ZFHX3: variants seen among roughly 807,000 people sequenced by gnomAD.
The protein encoded by ZFHX3 is zinc finger homeobox protein 3.
Under a neutral mutation model 279.1 loss-of-function variants are expected in ZFHX3, and 42 were observed. The ratio of observed to expected loss-of-function variants is 0.15; its 90% CI spans 0.12 to 0.19. ZFHX3 has a LOEUF of 0.19. Among genes scored for constraint, ZFHX3 ranks in the 10% least tolerant of loss-of-function variants. The probability of loss-of-function intolerance (pLI) is 1.00; values close to 1 mark genes in which losing one functional copy is unlikely to be tolerated. For missense variants in ZFHX3, 4,981 were observed against 4,754.0 expected, an observed-to-expected ratio of 1.05 and a Z score of -1.40; for synonymous variants, 2,293 against 1,957.8, an observed-to-expected ratio of 1.17 and a Z score of -4.52.
At chr16:73,131,009 G>A in exon 7 of ZFHX3, 2 of 1,305,306 alleles carry the variant, frequency 1.5e-6, no homozygotes, top group African/African-American at 3.0e-5. Flanking sequence ...GGTGGCGCTG[G>A]TTCTGGAGTT....
At chr16:73,877,223 T>A (rs1031324319) in intron 1 of ZFHX3, among the ~76,000 whole-genome samples, 2 of 151,448 alleles carry the variant, frequency 1.3e-5, no homozygotes, top group African/African-American at 4.9e-5. Context: ...CCCAGGCACT[T>A]GCTTCCTTGA....
chr16:73,172,991 TTTTTGTTTTTTTTTTTG>T lies in ZFHX3; in HGVS notation c.-1103-29177_-1103-29161del, dbSNP rs764161075. ...CCTGCTGTTTCCTGATGGGACTGTTTTTTTGTTTTTTTTTTTGTTTTTTTTTTTTTTTTTTGGGAGGG... is the reference window on the plus strand; with the variant it reads ...CCTGCTGTTTCCTGATGGGACTGTTTTTTTTTTTTTTTTTTTTTGGGAGGG... On this transcript the variant is annotated intron_variant, in intron 5 of 17. Transcript: ENST00000641206. Among the ~76,000 whole-genome samples, 368 of 52,986 alleles carry T rather than the reference TTTTTGTTTTTTTTTTTG, an allele frequency of 6.9e-3. 14 individuals carry two copies. The highest frequency in any genetic ancestry group is 0.023 in the African/African-American group (297 of 12,798). 34.8% of individuals were successfully genotyped at this position (52,986 alleles called of 152,430 possible).
intron 1 of ZFHX3, among the ~76,000 whole-genome samples, chr16:73,704,320 G>A (rs2053282798): frequency 6.6e-6 from 1 of 152,134 alleles, no homozygotes; most frequent in Non-Finnish European, 1.5e-5. Context: ...ACCATCATTT[G>A]TTCACCATGC....
intron 3 of ZFHX3, among the ~76,000 whole-genome samples, chr16:73,322,213 A>T (rs2015588463): frequency 6.6e-6 from 1 of 151,424 alleles, no homozygotes; most frequent in African/African-American, 2.4e-5. Flanking sequence ...GGCGTGGGGG[A>T]GCCCAGAGGC....
intron 4 of ZFHX3, among the ~76,000 whole-genome samples, chr16:73,267,577 C>G (rs978449864): frequency 1.3e-5 from 2 of 152,090 alleles, no homozygotes; most frequent in Non-Finnish European, 2.9e-5. Flanking sequence ...TGGTGGTTTC[C>G]TTGCTACAGG....
chr16:73,450,195 C>T (rs9940269), intron 3 of ZFHX3, among the ~76,000 whole-genome samples: 101,861 of 152,014 alleles, frequency 0.67, 36,978 homozygotes, highest in Non-Finnish European at 0.82. Context: ...TCCTATCAAA[C>T]TTCAGGTAAA....
At chr16:73,029,217 G>A (rs990957763) in intron 1 of ZFHX3, among the ~76,000 whole-genome samples, 3 of 152,174 alleles carry the variant, frequency 2.0e-5, no homozygotes, top group Non-Finnish European at 4.4e-5. Flanking sequence ...GGGACCCCAA[G>A]GCCCCTTCTA....
At chr16:73,376,493 A>G (rs1196148703) in intron 3 of ZFHX3, among the ~76,000 whole-genome samples, 1 of 152,202 alleles carries the variant, frequency 6.6e-6, no homozygotes, top group Non-Finnish European at 1.5e-5. Context: ...TCATGAAAGG[A>G]AGGAAATCCC....
At chr16:73,870,191 C>A (rs1962124703) in intron 1 of ZFHX3, among the ~76,000 whole-genome samples, 1 of 152,174 alleles carries the variant, frequency 6.6e-6, no homozygotes, top group Non-Finnish European at 1.5e-5. Context: ...AATTTACATA[C>A]AATCAAGGTT....
chr16:73,322,569 A>T (rs551663525), intron 3 of ZFHX3, among the ~76,000 whole-genome samples: 2 of 152,170 alleles, frequency 1.3e-5, no homozygotes, highest in African/African-American at 2.4e-5. Flanking sequence ...CTCGGTTTCC[A>T]ATCTTCCCCA....
intron 2 of ZFHX3, among the ~76,000 whole-genome samples, chr16:73,599,742 A>AC (rs1052178327): frequency 3.3e-5 from 5 of 151,144 alleles, no homozygotes; most frequent in Non-Finnish European, 5.9e-5. Flanking sequence ...TAAAAAAAAA[A>AC]AAAACAACAA....
At chr16:72,953,787 T>C (rs1344398065) in intron 2 of ZFHX3, among the ~76,000 whole-genome samples, 1 of 152,148 alleles carries the variant, frequency 6.6e-6, no homozygotes, top group East Asian at 1.9e-4. Flanking sequence ...TTGCCCAGAC[T>C]GGTCTCAAAC....
chr16:73,621,571 T>C (rs569595037), intron 2 of ZFHX3, among the ~76,000 whole-genome samples: 24 of 152,304 alleles, frequency 1.6e-4, no homozygotes, highest in African/African-American at 5.8e-4. Context: ...GGCTCCTGGC[T>C]AGCACAGCAT....
chr16:73,823,802 T>C (rs1053810352), intron 1 of ZFHX3, among the ~76,000 whole-genome samples: 1 of 152,152 alleles, frequency 6.6e-6, no homozygotes, highest in African/African-American at 2.4e-5. Flanking sequence ...AGAGAAAAAG[T>C]ATGCCAGCGC....
intron 1 of ZFHX3, among the ~76,000 whole-genome samples, chr16:73,705,753 T>C (rs561645715): frequency 6.6e-6 from 1 of 152,296 alleles, no homozygotes; most frequent in South Asian, 2.1e-4. Flanking sequence ...TCTTTCTATC[T>C]TCCCTGTTTT....
intron 1 of ZFHX3, among the ~76,000 whole-genome samples, chr16:73,781,362 A>G (rs1959467143): frequency 6.6e-6 from 1 of 152,210 alleles, no homozygotes; most frequent in Non-Finnish European, 1.5e-5. Context: ...GTTTTTAACA[A>G]GTTCCCAGGT....
In ZFHX3 at chr16:72,788,881, G is replaced by T. The variant is rs998736963; in HGVS notation, c.9428-33C>A. On this transcript the variant is annotated intron_variant, in intron 9 of 9. Transcript: ENST00000268489. ...GAATGGAGACAGAAATCACCGGTCA[G>T]TCTGGGCAGGGGTAGGGCTGAAGCT... The T allele has an allele frequency of 1.3e-5, 20 of 1,514,532 alleles. No homozygotes were observed. The Admixed American group carries it at 3.4e-4, about 26-fold the overall frequency. The allele number at this position is 1,514,532 out of a possible 1,614,324, so 93.8% of individuals were successfully genotyped here.
chr16:73,781,874 C>T (rs141777049), intron 1 of ZFHX3, among the ~76,000 whole-genome samples: 20 of 152,092 alleles, frequency 1.3e-4, no homozygotes, highest in Non-Finnish European at 2.1e-4. Flanking sequence ...GTAATCCCAG[C>T]TACTCAGGAG....
At chr16:73,302,183 C>G (rs2015071924) in intron 4 of ZFHX3, among the ~76,000 whole-genome samples, 3 of 152,252 alleles carry the variant, frequency 2.0e-5, no homozygotes, top group Admixed American at 2.0e-4. Context: ...CCTTTCTATG[C>G]CCTTTCTATT....
Sources: gnomAD v4.1 joint callset for allele counts (sites outside exome capture counted in the v4.1 genomes callset) on GRCh38, gnomAD v4.1.1 for gene constraint, MANE v1.5 for transcripts, NCBI Gene and HGNC (gene_info 2026-07-23, HGNC 2026-07-21) for gene names.